The following SASH1 variants were observed in gnomAD, a reference collection of about 807,000 sequenced individuals.
SASH1 encodes SAM and SH3 domain containing 1, also known as SAM and SH3 domain-containing protein 1.
In SASH1, 44 loss-of-function variants were observed where a neutral mutation model predicts 125.2. The ratio of observed to expected loss-of-function variants is 0.35; its 90% CI spans 0.28 to 0.45. The LOEUF is 0.45. Among genes scored for constraint, SASH1 ranks in the 20% least tolerant of loss-of-function variants. SASH1 has a pLI of 1.00. For missense variants in SASH1, 1,426 were observed against 1,614.5 expected, an observed-to-expected ratio of 0.88 and a Z score of 2.00; for synonymous variants, 639 against 649.1, an observed-to-expected ratio of 0.98 and a Z score of 0.24.
intron 9 of SASH1, among the ~76,000 whole-genome samples, chr6:148,517,670 C>A (rs564781023): frequency 3.9e-5 from 6 of 152,312 alleles, no homozygotes; most frequent in African/African-American, 9.6e-5. Flanking sequence ...CCTCACAACC[C>A]CTTACCAGAT....
chr6:148,357,165 C>T (rs183738720), intron 1 of SASH1, among the ~76,000 whole-genome samples: 2 of 152,330 alleles, frequency 1.3e-5, no homozygotes, highest in East Asian at 3.9e-4. Flanking sequence ...ATTTCTTTTG[C>T]TGTGCACATA....
chr6:148,230,700 A>C, the SASH1 span, among the ~76,000 whole-genome samples: 1 of 151,616 alleles, frequency 6.6e-6, no homozygotes, highest in East Asian at 1.9e-4. Flanking sequence ...TATTATAGCC[A>C]CTCTAGTGGG....
intron 1 of SASH1, among the ~76,000 whole-genome samples, chr6:148,386,071 G>A (rs1366259224): frequency 2.0e-5 from 3 of 152,128 alleles, no homozygotes; most frequent in Non-Finnish European, 4.4e-5. Flanking sequence ...GGCTGTCTCT[G>A]GTTCGGTAGT....
chr6:148,475,143 A>T (rs1484943930), intron 7 of SASH1, among the ~76,000 whole-genome samples: 1 of 152,160 alleles, frequency 6.6e-6, no homozygotes, highest in East Asian at 1.9e-4. Context: ...TTGAATTTTC[A>T]CTTTGAACAG....
chr6:148,326,651 G>A (rs903375535), intron 1 of SASH1, among the ~76,000 whole-genome samples: 10 of 150,302 alleles, frequency 6.7e-5, no homozygotes, highest in African/African-American at 7.4e-5. Context: ...ATCCGCCTGC[G>A]TCGGCCTTCC....
intron 8 of SASH1, chr6:148,513,491 C>A: frequency 1.0e-6 from 1 of 985,346 alleles, no homozygotes; most frequent in Non-Finnish European, 1.2e-6. Flanking sequence ...AGAAATGAAA[C>A]CCTCATTTTG....
rs79440620 is a variant in SASH1, at chr6:148,477,146, C to T, written c.627+2924C>T. 2.5e-3 allele frequency among the ~76,000 whole-genome samples: 373 copies of T among 152,222 alleles called. 8 individuals are homozygous for T. The East Asian group carries it at 0.053, about 22-fold the overall frequency. ...ACATTGAGGAAATTCTCCAGGACAC[C>T]GGACTGGGCAAAAATTTCTTGAGTG... On this transcript the variant is annotated intron_variant, in intron 7 of 19. Transcript: ENST00000367467.
chr6:148,279,249 C>T (rs1779271880), intron 1 of SASH1, among the ~76,000 whole-genome samples: 1 of 152,076 alleles, frequency 6.6e-6, no homozygotes. Flanking sequence ...CCTCGGCCCC[C>T]AAAAGTGCTA....
the SASH1 span, among the ~76,000 whole-genome samples, chr6:148,244,273 C>T: frequency 3.9e-5 from 6 of 152,170 alleles, no homozygotes; most frequent in Non-Finnish European, 5.9e-5. Flanking sequence ...GACCTTACCA[C>T]CTACTAGGTT....
chr6:148,253,752 G>C, the SASH1 span, among the ~76,000 whole-genome samples: 4 of 151,904 alleles, frequency 2.6e-5, no homozygotes, highest in Non-Finnish European at 5.9e-5. Context: ...CGTGCCTGTA[G>C]TCCCAGCTAC....
the SASH1 span, among the ~76,000 whole-genome samples, chr6:148,202,296 A>G: frequency 6.6e-5 from 10 of 152,168 alleles, no homozygotes; most frequent in African/African-American, 2.4e-4. Flanking sequence ...CAAGGACAGA[A>G]CTTCCTAGTG....
intron 16 of SASH1, 113 bp from the exon 17 acceptor site, chr6:148,540,330 G>A (rs1009858973): frequency 1.4e-6 from 1 of 728,342 alleles, no homozygotes; most frequent in Non-Finnish European, 2.4e-6. Context: ...AAGATAAATT[G>A]TTCTCTTCCA....
intron 1 of SASH1, among the ~76,000 whole-genome samples, chr6:148,378,257 T>G (rs112666900): frequency 0.054 from 8,157 of 152,178 alleles, 749 homozygotes; most frequent in African/African-American, 0.19. Context: ...TTTCACCATG[T>G]TGGCCAGGCT....
At chr6:148,277,820 G>A (rs552566866) in intron 1 of SASH1, among the ~76,000 whole-genome samples, 4 of 151,970 alleles carry the variant, frequency 2.6e-5, no homozygotes, top group South Asian at 2.1e-4. Context: ...GGGTTCAAGC[G>A]ATTCTTCTGC....
At chr6:148,405,585 G>C (rs775404770) in intron 2 of SASH1, among the ~76,000 whole-genome samples, 1 of 151,922 alleles carries the variant, frequency 6.6e-6, no homozygotes, top group Admixed American at 6.6e-5. Flanking sequence ...GCTACCTCTG[G>C]CCTTTGTTCC....
intron 2 of SASH1, among the ~76,000 whole-genome samples, chr6:148,436,289 G>A (rs372398975): frequency 1.3e-5 from 2 of 152,168 alleles, no homozygotes; most frequent in Non-Finnish European, 2.9e-5. Context: ...CCAGGAGTTC[G>A]AGACCAGCCT....
Position 148,401,797 on chromosome 6 carries a change from TG to T in SASH1, c.285+11536del, listed in dbSNP as rs138231786. ...CTGGATGTGTGTGTGGGGGGGTGTA[TG>T]TTTTTTTTTAGTGTGTGCAACAGCA... is the stretch of plus-strand genomic sequence containing the variant. On this transcript the variant is annotated intron_variant, in intron 2 of 19. Transcript: ENST00000367467. Among the ~76,000 whole-genome samples, 94 of 152,044 alleles carry T rather than the reference TG, an allele frequency of 6.2e-4. 1 individual carries two copies. The East Asian group carries it at 0.017, about 28-fold the overall frequency.
chr6:148,473,886 G>A (rs991481228), intron 6 of SASH1, among the ~76,000 whole-genome samples: 1 of 152,052 alleles, frequency 6.6e-6, no homozygotes, highest in Non-Finnish European at 1.5e-5. Context: ...TGTTTCTATG[G>A]TGACACCCAC....
chr6:148,499,057 G>GT (rs4052628), intron 8 of SASH1, among the ~76,000 whole-genome samples: 5,617 of 126,968 alleles, frequency 0.044, 314 homozygotes, highest in African/African-American at 0.12. Context: ...TCTTTTTTTT[G>GT]TTTTTTTTTT....
Sources: gnomAD v4.1 joint callset for allele counts (sites outside exome capture counted in the v4.1 genomes callset) on GRCh38, gnomAD v4.1.1 for gene constraint, MANE v1.5 for transcripts, NCBI Gene and HGNC (gene_info 2026-07-23, HGNC 2026-07-21) for gene names.